The following ANKS1B variants were observed in gnomAD, a reference collection of about 807,000 sequenced individuals.
The protein encoded by ANKS1B is ankyrin repeat and sterile alpha motif domain-containing protein 1B.
ANKS1B carries 36 observed loss-of-function variants against 148.3 expected under a neutral mutation model. The observed-to-expected ratio is 0.24, with a 90% CI of 0.19 to 0.32. The LOEUF is 0.32. Ranked by LOEUF, ANKS1B falls within the 10% of genes least tolerant of loss-of-function variation. ANKS1B has a pLI of 1.00. For synonymous variants in ANKS1B, 542 were observed against 560.8 expected (o/e 0.97, Z 0.47); for missense variants, 1,157 against 1,542.6 (o/e 0.75, Z 4.19).
intron 8 of ANKS1B, among the ~76,000 whole-genome samples, chr12:99,703,460 G>A (rs1372357556): frequency 1.3e-5 from 2 of 152,090 alleles, no homozygotes; most frequent in African/African-American, 4.8e-5. Flanking sequence ...AACCCACCAT[G>A]TGTTATGGTT....
chr12:99,318,804 A>G lies in ANKS1B; in HGVS notation c.1757-71940T>C, dbSNP rs1187805856. On this transcript the variant is annotated intron_variant, in intron 12 of 26. Coordinates refer to ENST00000683438, the MANE Select transcript of ANKS1B (RefSeq NM_001352186.2). ...ATCTTTCCTGCTTTCTCCGGTGGGCATTTAGTGCTATAAATTTCCCTCTAC... is the reference window on the plus strand; with the variant it reads ...ATCTTTCCTGCTTTCTCCGGTGGGCGTTTAGTGCTATAAATTTCCCTCTAC... Among the ~76,000 whole-genome samples, 10 of 152,114 alleles carry G rather than the reference A, an allele frequency of 6.6e-5. No homozygotes were observed. The South Asian group carries it at 2.1e-3, about 32-fold the overall frequency.
intron 17 of ANKS1B, among the ~76,000 whole-genome samples, chr12:99,039,533 G>C (rs2099957589): frequency 6.6e-6 from 1 of 152,220 alleles, no homozygotes; most frequent in African/African-American, 2.4e-5. Flanking sequence ...GCTGGTAAAA[G>C]GTGAAGTGTC....
chr12:99,514,894 G>A (rs1336249419), intron 9 of ANKS1B, among the ~76,000 whole-genome samples: 1 of 151,912 alleles, frequency 6.6e-6, no homozygotes, highest in East Asian at 1.9e-4. Flanking sequence ...TAAAAGGACT[G>A]CAATGCAACA....
rs942766835 is a variant in ANKS1B at position 98,744,836 on chromosome 12, T to C, written c.*903A>G. The C allele has an allele frequency of 9.1e-6, 9 of 985,364 alleles. No individual in the cohort carries two copies. The highest frequency in any genetic ancestry group is 1.1e-5 in the Non-Finnish European group (9 of 829,892). 61.0% of individuals were successfully genotyped at this position (985,364 alleles called of 1,614,324 possible). On this transcript the variant is annotated 3_prime_UTR_variant, in exon 27 of 27. Transcript: ENST00000683438. Reference sequence around the variant, plus strand: ...CATGTTCTTTAAAACACTGTGAAGATTAAAAAACAATCTTGGCAGGCTGAT... The same window carrying C: ...CATGTTCTTTAAAACACTGTGAAGACTAAAAAACAATCTTGGCAGGCTGAT...
chr12:99,642,076 A>G (rs2153421971), intron 9 of ANKS1B, among the ~76,000 whole-genome samples: 1 of 152,340 alleles, frequency 6.6e-6, no homozygotes, highest in South Asian at 2.1e-4. Flanking sequence ...CATTATTAAC[A>G]TCACTATTAA....
rs534992789 is a variant in ANKS1B, at chr12:98,880,593, C to T, written c.2779-48457G>A. Among the ~76,000 whole-genome samples the T allele has an allele frequency of 3.3e-5, 5 of 151,920 alleles. No homozygotes were observed. The East Asian group carries it at 9.7e-4, about 29-fold the overall frequency. ...CATCCTGGCTAACATGGTGAAACCC[C>T]ATCTCTACTAAAAATACAAAAAAAG... On this transcript the variant is annotated intron_variant, in intron 17 of 26. Coordinates refer to ENST00000683438, the MANE Select transcript of ANKS1B (RefSeq NM_001352186.2).
At chr12:99,928,276 T>TATTTTA (rs60972146) in intron 1 of ANKS1B, among the ~76,000 whole-genome samples, 18 of 114,642 alleles carry the variant, frequency 1.6e-4, no homozygotes, top group South Asian at 2.6e-4. Context: ...ATTTTATTTT[T>TATTTTA]TTTTTTTTTT....
At position 98,800,990 on chromosome 12, in the gene ANKS1B, A is replaced by C. The variant is rs1397288957; in HGVS notation, c.3270+7T>G. 4 of 1,610,494 alleles carry C rather than the reference A, an allele frequency of 2.5e-6. No individual in the cohort carries two copies. Among genetic ancestry groups the C allele is most frequent in the African/African-American group, 2.7e-5 (2 of 74,872 alleles). ...TAGGCCCAAATACTGAATTGAGGGT[A>C]ACTTACAAAAGCTTTGTAATCACAC... On this transcript the variant is annotated splice_region_variant and intron_variant, in intron 21 of 26. Coordinates refer to ENST00000683438, the MANE Select transcript of ANKS1B (RefSeq NM_001352186.2).
chr12:99,234,829 C>T (rs1275009712), intron 14 of ANKS1B, among the ~76,000 whole-genome samples: 2 of 151,970 alleles, frequency 1.3e-5, no homozygotes, highest in Admixed American at 1.3e-4. Context: ...TTGTGGAATG[C>T]CATTTTCACA....
intron 8 of ANKS1B, among the ~76,000 whole-genome samples, chr12:99,722,285 CAG>C (rs2058162330): frequency 6.6e-6 from 1 of 152,166 alleles, no homozygotes; most frequent in African/African-American, 2.4e-5. Flanking sequence ...CTCTCATAAC[CAG>C]AGAGGAGAAG....
At chr12:99,916,226 C>G (rs895801531) in intron 1 of ANKS1B, among the ~76,000 whole-genome samples, 4 of 152,152 alleles carry the variant, frequency 2.6e-5, no homozygotes, top group Non-Finnish European at 5.9e-5. Flanking sequence ...TAATGTTTCT[C>G]CAATAATTCT....
chr12:99,491,519 T>G (rs1190596440), intron 10 of ANKS1B, among the ~76,000 whole-genome samples: 1 of 152,128 alleles, frequency 6.6e-6, no homozygotes, highest in East Asian at 1.9e-4. Flanking sequence ...ACTTATTTAT[T>G]CTGATCCTCA....
At chr12:98,981,829 A>G (rs989196028) in intron 17 of ANKS1B, among the ~76,000 whole-genome samples, 12 of 152,380 alleles carry the variant, frequency 7.9e-5, no homozygotes, top group African/African-American at 2.6e-4. Context: ...ATATGATGTA[A>G]GTAAGTTGAT....
In ANKS1B at chr12:99,351,161, G is replaced by T. The variant is rs1335214271; in HGVS notation, c.1756+48470C>A. Among the ~76,000 whole-genome samples, 5 of 151,996 alleles carry T rather than the reference G, an allele frequency of 3.3e-5. No individual in the cohort carries two copies. The East Asian group carries it at 9.7e-4, about 29-fold the overall frequency. The stretch of plus-strand genomic sequence containing the variant: ...GGCAGCCAGTAAAGTCAGTGCTGTT[G>T]AATTAAAATAGGCAACACAACAAGA... On this transcript the variant is annotated intron_variant, in intron 12 of 26. Transcript: ENST00000683438.
Position 99,333,515 on chromosome 12 carries a change from C to T in ANKS1B, c.1756+66116G>A, listed in dbSNP as rs141741520. On this transcript the variant is annotated intron_variant, in intron 12 of 26. Coordinates refer to ENST00000683438, the MANE Select transcript of ANKS1B (RefSeq NM_001352186.2). The stretch of plus-strand genomic sequence containing the variant: ...CAATCACTGGGTGAGATACTCTTAA[C>T]GTTCTTTGGGTCACCAAGGAAAAAA... Among the ~76,000 whole-genome samples the T allele has an allele frequency of 8.3e-4, 125 of 150,674 alleles. 2 individuals are homozygous for T. In the South Asian group the frequency reaches 0.021, roughly 25 times the overall value.
intron 17 of ANKS1B, among the ~76,000 whole-genome samples, chr12:99,049,479 G>C (rs7302748): frequency 3.3e-5 from 5 of 152,184 alleles, no homozygotes; most frequent in Admixed American, 1.3e-4. Flanking sequence ...TAGGATGATA[G>C]CTCTACTGCA....
intron 14 of ANKS1B, among the ~76,000 whole-genome samples, chr12:99,220,577 G>A (rs982302282): frequency 6.7e-6 from 1 of 150,242 alleles, no homozygotes; most frequent in Non-Finnish European, 1.5e-5. Flanking sequence ...CTCCCAAGCA[G>A]CTGGGACTAC....
intron 9 of ANKS1B, chr12:99,649,407 T>C: frequency 6.3e-7 from 1 of 1,597,828 alleles, no homozygotes; most frequent in African/African-American, 1.3e-5. Context: ...GAATCCAACA[T>C]ACCTCCCACA....
At chr12:99,649,319 A>T in intron 9 of ANKS1B, 2 of 1,614,164 alleles carry the variant, frequency 1.2e-6, no homozygotes, top group Non-Finnish European at 8.5e-7. Context: ...GAAGAGAAGG[A>T]GCAATTCAGA....
Sources: gnomAD v4.1 joint callset for allele counts (sites outside exome capture counted in the v4.1 genomes callset) on GRCh38, gnomAD v4.1.1 for gene constraint, MANE v1.5 for transcripts, NCBI Gene and HGNC (gene_info 2026-07-23, HGNC 2026-07-21) for gene names.